Variants in TPRG1 observed in about 807,000 individuals in gnomAD.
TPRG1 encodes tumor protein p63-regulated gene 1 protein.
TPRG1 carries 29 observed loss-of-function variants against 29.3 expected under a neutral mutation model. The ratio of observed to expected loss-of-function variants is 0.99; its 90% CI spans 0.74 to 1.35. The LOEUF is 1.35. Among genes scored for constraint, TPRG1 ranks in the 40% most tolerant of loss-of-function variants. The pLI is 0.00. For missense variants in TPRG1, 327 were observed against 335.0 expected (o/e 0.98, Z 0.19); for synonymous variants, 130 against 116.8 (o/e 1.11, Z -0.73).
chr3:189,102,782 T>C (rs1342054916), intron 1 of TPRG1, among the ~76,000 whole-genome samples: 1 of 152,234 alleles, frequency 6.6e-6, no homozygotes, highest in Non-Finnish European at 1.5e-5. Flanking sequence ...AAACTTTATC[T>C]TGCTTTTGTG....
rs149449028 is a variant in TPRG1, at chr3:189,191,681, C to A, written c.-9-15695C>A. ...ATGTATATATTTCATCATTAAAACA[C>A]AAATTATCCTTCAGTTACAGCCCCA... On this transcript the variant is annotated intron_variant, in intron 1 of 5. Transcript: ENST00000345063. Among the ~76,000 whole-genome samples the A allele has an allele frequency of 1.6e-4, 24 of 152,278 alleles. 1 individual carries two copies. The East Asian group carries it at 4.6e-3, about 29-fold the overall frequency.
At chr3:189,191,782 G>T (rs1193447771) in intron 1 of TPRG1, among the ~76,000 whole-genome samples, 1 of 152,070 alleles carries the variant, frequency 6.6e-6, no homozygotes, top group East Asian at 1.9e-4. Flanking sequence ...CCTTTTGAAT[G>T]CCTACTCCTG....
intron 2 of TPRG1, among the ~76,000 whole-genome samples, chr3:189,208,483 TC>T (rs1256913318): frequency 6.6e-6 from 1 of 152,194 alleles, no homozygotes; most frequent in African/African-American, 2.4e-5. Context: ...TTGTGACTTT[TC>T]CAAAGCTTTA....
At chr3:189,225,815 C>G (rs139284609) in intron 3 of TPRG1, among the ~76,000 whole-genome samples, 1 of 152,120 alleles carries the variant, frequency 6.6e-6, no homozygotes. Flanking sequence ...CAGAACTTTA[C>G]AGTCCAAGAG....
chr3:189,141,566 G>A (rs749788650), intron 3 of TPRG1, among the ~76,000 whole-genome samples: 2 of 152,140 alleles, frequency 1.3e-5, no homozygotes, highest in Non-Finnish European at 2.9e-5. Context: ...CAGGGATGGG[G>A]ATAGATATGA....
chr3:189,028,219 A>G (rs1407663288), intron 4 of TPRG1, among the ~76,000 whole-genome samples: 1 of 152,154 alleles, frequency 6.6e-6, no homozygotes, highest in African/African-American at 2.4e-5. Context: ...AGTCAATCAT[A>G]TTGTCAGAAA....
chr3:189,066,389 C>T (rs893325133), intron 4 of TPRG1, among the ~76,000 whole-genome samples: 11 of 152,040 alleles, frequency 7.2e-5, no homozygotes, highest in African/African-American at 2.2e-4. Flanking sequence ...AGGCCAATAT[C>T]GCTAATAAAC....
At chr3:189,301,998 C>T (rs1720914424) in intron 4 of TPRG1, among the ~76,000 whole-genome samples, 1 of 152,162 alleles carries the variant, frequency 6.6e-6, no homozygotes, top group African/African-American at 2.4e-5. Flanking sequence ...TCACATGTAG[C>T]TCAACTGGAC....
chr3:189,095,650 A>C (rs979193077), upstream of TPRG1, among the ~76,000 whole-genome samples: 1 of 152,174 alleles, frequency 6.6e-6, no homozygotes, highest in African/African-American at 2.4e-5. Context: ...TCTCTAAGTC[A>C]TGGTCAGATG....
chr3:189,017,141 T>A (rs1395386010), intron 3 of TPRG1, among the ~76,000 whole-genome samples: 1 of 149,130 alleles, frequency 6.7e-6, no homozygotes, highest in Non-Finnish European at 1.5e-5. Flanking sequence ...TGCCTTTTCA[T>A]TTTTTTTTTC....
intron 1 of TPRG1, among the ~76,000 whole-genome samples, chr3:189,126,470 C>A (rs1240756598): frequency 6.6e-6 from 1 of 152,162 alleles, no homozygotes; most frequent in Non-Finnish European, 1.5e-5. Flanking sequence ...GGAAAAAATA[C>A]CTGCCTTATT....
intron 5 of TPRG1, among the ~76,000 whole-genome samples, chr3:189,311,970 C>T (rs1445005227): frequency 6.6e-6 from 1 of 152,120 alleles, no homozygotes. Context: ...AATGCAATAT[C>T]AGACTTCTCT....
Position 189,238,918 on chromosome 3 carries a change from A to G in TPRG1, c.479+9A>G, listed in dbSNP as rs773151021. The stretch of plus-strand genomic sequence containing the variant: ...GGGATGTCCCTGGACAAGTGAGTAT[A>G]TATCTTATACTTGAAGAAGTGGTGC... On this transcript the variant is annotated intron_variant, in intron 4 of 5. Transcript: ENST00000345063. The G allele has an allele frequency of 2.8e-5, 45 of 1,599,116 alleles. No homozygotes were observed. The highest frequency in any genetic ancestry group is 3.7e-5 in the Non-Finnish European group (43 of 1,170,680).
intron 1 of TPRG1, among the ~76,000 whole-genome samples, chr3:189,104,037 T>C (rs1008503418): frequency 6.6e-5 from 10 of 152,110 alleles, no homozygotes; most frequent in Admixed American, 4.6e-4. Context: ...GTGATACTTA[T>C]GGATAGACTA....
intron 4 of TPRG1, among the ~76,000 whole-genome samples, chr3:189,259,412 G>A (rs1237755175): frequency 6.6e-6 from 1 of 151,148 alleles, no homozygotes; most frequent in East Asian, 1.9e-4. Flanking sequence ...GATCTTGCTG[G>A]GAGCTGCAGG....
intron 4 of TPRG1, among the ~76,000 whole-genome samples, chr3:189,282,550 CTCTTCTCTCTCTG>C (rs1403768891): frequency 1.3e-5 from 2 of 152,078 alleles, no homozygotes; most frequent in African/African-American, 2.4e-5. Flanking sequence ...CTCTCGTTCT[CTCTTCTCTCTCTG>C]TCTTCTTCTC....
intron 5 of TPRG1, among the ~76,000 whole-genome samples, chr3:189,152,363 G>A (rs1192115665): frequency 1.3e-5 from 2 of 152,156 alleles, no homozygotes; most frequent in Non-Finnish European, 2.9e-5. Flanking sequence ...TTTGGCCAGA[G>A]GCAGATTCTA....
chr3:189,294,617 C>T (rs79818525), intron 4 of TPRG1, among the ~76,000 whole-genome samples: 14,392 of 152,096 alleles, frequency 0.095, 869 homozygotes, highest in East Asian at 0.2. Context: ...ATACACAGGT[C>T]TTGTTTCAAA....
rs1363397596 is a variant in TPRG1 at position 189,216,327 on chromosome 3, A to G, written c.302+944A>G. On this transcript the variant is annotated intron_variant, in intron 3 of 5. Transcript: ENST00000345063. ...ACTGCTGGGCAGGATGTCTTGTTAGACTAAGTTTCAGGAGGGCAACACTTG... is the reference window on the plus strand; with the variant it reads ...ACTGCTGGGCAGGATGTCTTGTTAGGCTAAGTTTCAGGAGGGCAACACTTG... Among the ~76,000 whole-genome samples, 6 of 148,896 alleles carry G rather than the reference A, an allele frequency of 4.0e-5. No homozygotes were observed. In the South Asian group the frequency reaches 1.0e-3, roughly 26 times the overall value.
Sources: allele counts gnomAD v4.1 joint callset (sites outside exome capture counted in the v4.1 genomes callset), GRCh38; gene constraint gnomAD v4.1.1; transcripts MANE v1.5; gene names NCBI Gene and HGNC (gene_info 2026-07-23, HGNC 2026-07-21).